The following RNF31 variants were observed in gnomAD, a reference collection of about 807,000 sequenced individuals.
RNF31 encodes the protein ring finger protein 31.
In RNF31, 38 loss-of-function variants were observed where a neutral mutation model predicts 133.6. The ratio of observed to expected loss-of-function variants is 0.28; its 90% CI spans 0.22 to 0.37. The LOEUF is 0.37. Among genes scored for constraint, RNF31 ranks in the 10% least tolerant of loss-of-function variants. The pLI is 1.00. For synonymous variants in RNF31, 582 were observed against 552.3 expected, an observed-to-expected ratio of 1.05 and a Z score of -0.75; for missense variants, 1,118 against 1,394.1, an observed-to-expected ratio of 0.80 and a Z score of 3.15.
At chr14:24,146,962 G>T (rs963726992), upstream of RNF31, 2 of 292,576 alleles carry the variant, frequency 6.8e-6, no homozygotes, top group African/African-American at 4.4e-5. Context: ...GCTCCCCCAA[G>T]AAGGCTCGAC....
In RNF31 at chr14:24,150,468, C is replaced by G; in HGVS notation, c.1197+20C>G. 6.3e-7 allele frequency: 1 copy of G among 1,596,928 alleles called. No homozygotes were observed. The highest frequency in any genetic ancestry group is 1.7e-5 in the Admixed American group (1 of 59,258). Reference sequence around the variant, plus strand: ...CTTCAGGTAACTGGCCTTCCCAGCTCTTTATCGTGTGTTACCTCAGGCATT... The same window carrying G: ...CTTCAGGTAACTGGCCTTCCCAGCTGTTTATCGTGTGTTACCTCAGGCATT... On this transcript the variant is annotated intron_variant, in intron 7 of 20. Transcript: ENST00000324103.
Position 24,157,421 on chromosome 14 carries a change from CG to C in RNF31, c.2608+19del. 6.2e-7 allele frequency: 1 copy of C among 1,604,330 alleles called. No homozygotes were observed. Among genetic ancestry groups the C allele is most frequent in the East Asian group, 2.2e-5 (1 of 44,702 alleles). On this transcript the variant is annotated intron_variant, in intron 15 of 20. Transcript: ENST00000324103. ...ACGGCATTGGTAAGGCCTCCCTACT[CG>C]GCCTGTTTGCTCAGAAGCCTGTCAT... is the stretch of plus-strand genomic sequence containing the variant.
Position 24,155,363 on chromosome 14 carries a change from G to A in RNF31, c.2304+33G>A. The A allele has an allele frequency of 1.2e-6, 2 of 1,614,146 alleles. No individual in the cohort carries two copies. Among genetic ancestry groups the A allele is most frequent in the Admixed American group, 1.7e-5 (1 of 60,016 alleles). On this transcript the variant is annotated intron_variant, in intron 12 of 20. Coordinates refer to ENST00000324103, the MANE Select transcript of RNF31 (RefSeq NM_017999.5). The surrounding 1 kb of genome is among the most constrained non-coding windows in gnomAD (Gnocchi z 4.9). ...AGCCCCTCTAGGACTCAGGTACCCT[G>A]AGCTTTGAACAGGGACCCTCCCACC... is the stretch of plus-strand genomic sequence containing the variant.
At chr14:24,159,062 T>TG (rs1283345748) in intron 18 of RNF31, among the ~76,000 whole-genome samples, 2 of 130,560 alleles carry the variant, frequency 1.5e-5, no homozygotes, top group Admixed American at 7.9e-5. Context: ...AAAAAAAATG[T>TG]GGCTGGGCAC....
intron 15 of RNF31, 22 bp downstream of exon 15, chr14:24,157,426 T>C (rs780009469): frequency 6.2e-7 from 1 of 1,605,740 alleles, no homozygotes; most frequent in South Asian, 1.1e-5. Flanking sequence ...CTACTCGGCC[T>C]GTTTGCTCAG....
At chr14:24,152,605 G>C (rs551757630) in intron 11 of RNF31, among the ~76,000 whole-genome samples, 18 of 152,220 alleles carry the variant, frequency 1.2e-4, no homozygotes, top group Non-Finnish European at 1.9e-4. Context: ...TTTTAGTAGA[G>C]ACAGGGTTTC....
At position 24,151,848 on chromosome 14, in the gene RNF31, A is replaced by T; in HGVS notation, c.1986A>T (p.Ala662=). Residue 662 remains alanine, a synonymous_variant, in exon 11 of 21, where the codon GCA becomes GCT. Transcript: ENST00000324103. The surrounding 1 kb of genome is among the most constrained non-coding windows in gnomAD (Gnocchi z 5.3). ...CCAGCTGGGGCCGGGCAGAGCTGGC[A>T]CTGTCACTGCTGCAGGAGACACCCA... ...ALPSWGRAEL[A]LSLLQETPRN... 6.2e-7 allele frequency: 1 copy of T among 1,614,078 alleles called. No individual in the cohort carries two copies. Among genetic ancestry groups the T allele is most frequent in the Non-Finnish European group, 8.5e-7 (1 of 1,179,992 alleles).
rs2038374268 is a variant in RNF31, at chr14:24,158,122, C to T, written c.2842-20C>T. On this transcript the variant is annotated intron_variant, in intron 17 of 20. Coordinates refer to ENST00000324103, the MANE Select transcript of RNF31 (RefSeq NM_017999.5). ...TTGGCATCAAGGGGAATGTAACACC[C>T]ATCTGTCTCTCCTCCTCAGGACAAT... The T allele has an allele frequency of 1.3e-5, 21 of 1,613,870 alleles. No individual in the cohort carries two copies. Among genetic ancestry groups the T allele is most frequent in the Non-Finnish European group, 1.8e-5 (21 of 1,179,808 alleles).
At chr14:24,150,521 G>A (rs368087674) in intron 7 of RNF31, 73 bp downstream of exon 7, 20 of 1,575,516 alleles carry the variant, frequency 1.3e-5, no homozygotes, top group African/African-American at 1.2e-4. Context: ...TTTTCCTTCA[G>A]TTCCTCCCAA....
intron 2 of RNF31, 33 bp from the exon 3 acceptor site, chr14:24,148,225 T>A: frequency 1.2e-6 from 2 of 1,613,594 alleles, no homozygotes; most frequent in Non-Finnish European, 1.7e-6. Flanking sequence ...GCAGGAAACC[T>A]CCTGGGTGGT....
In RNF31 at chr14:24,151,720, G is replaced by A. The variant is rs1176263762; in HGVS notation, c.1923+50G>A. The A allele has an allele frequency of 6.2e-7, 1 of 1,602,530 alleles. No homozygotes were observed. The highest frequency in any genetic ancestry group is 1.1e-5 in the South Asian group (1 of 90,768). On this transcript the variant is annotated intron_variant, in intron 10 of 20. Coordinates refer to ENST00000324103, the MANE Select transcript of RNF31 (RefSeq NM_017999.5). This position sits in a 1 kb window ranked among gnomAD's most constrained non-coding sequence, Gnocchi z 5.3. ...AAGGGTCCACCTAGAGGAGCAAGAG[G>A]GAGCTGAGGGGAAGGGTCCCTGGAG...
In RNF31 at chr14:24,160,027, C is replaced by A; in HGVS notation, c.2996+67C>A. 2 of 1,486,840 alleles carry A rather than the reference C, an allele frequency of 1.3e-6. No homozygotes were observed. The highest frequency in any genetic ancestry group is 1.9e-6 in the Non-Finnish European group (2 of 1,077,176). The allele number at this position is 1,486,840 out of a possible 1,614,324, so 92.1% of individuals were successfully genotyped here. ...TAGAAGTGGTGAGGGCATGCCCAGG[C>A]AGTAAAATGGGTCCTTGGGAGCAGT... On this transcript the variant is annotated intron_variant, in intron 19 of 20. Coordinates refer to ENST00000324103, the MANE Select transcript of RNF31 (RefSeq NM_017999.5). The surrounding 1 kb of genome is among the most constrained non-coding windows in gnomAD (Gnocchi z 4.0).
At position 24,155,637 on chromosome 14, in the gene RNF31, T is replaced by C. The variant is rs760433228; in HGVS notation, c.2438T>C (p.Leu813Pro). Residue 813 changes from leucine to proline, a missense_variant, in exon 14 of 21, where the codon CTG (leucine) becomes CCG (proline). Leu to Pro is a moderately conservative substitution (Grantham distance 98, BLOSUM62 -3). Coordinates refer to ENST00000324103, the MANE Select transcript of RNF31 (RefSeq NM_017999.5). The surrounding 1 kb of genome is among the most constrained non-coding windows in gnomAD (Gnocchi z 4.9). ...GGCTTCATATATGAGCGTGAGCAGC[T>C]GGAGGCAACTTGTCCCCAGTGTCAC... ...SFGFIYEREQ[L>P]EATCPQCHQT... is the part of the protein sequence containing the mutation. The C allele has an allele frequency of 8.1e-6, 13 of 1,614,116 alleles. No homozygotes were observed. Among genetic ancestry groups the C allele is most frequent in the African/African-American group, 1.3e-5 (1 of 74,948 alleles).
At position 24,148,650 on chromosome 14, in the gene RNF31, T is replaced by A; in HGVS notation, c.504T>A (p.His168Gln). Residue 168 changes from histidine to glutamine, a missense_variant, in exon 4 of 21, where the codon CAT becomes CAA. By Grantham distance (24) the His-to-Gln change is conservative. Around this residue, in one of 3 missense-constraint regions of RNF31, gnomAD observed 747 missense variants for 827.9 expected, o/e 0.90. Transcript: ENST00000324103. ...TATCTGTATTATTGCAGAATACTCA[T>A]CCAAGACAGCAGGCACTGGAGCAGC... ...TELSLLLQNT[H>Q]PRQQALEQLL... 1 of 1,614,208 alleles carries A rather than the reference T, an allele frequency of 6.2e-7. No homozygotes were observed. The highest frequency in any genetic ancestry group is 2.2e-5 in the East Asian group (1 of 44,886).
chr14:24,157,180 C>T (rs1566616502), intron 14 of RNF31, 110 bp from the exon 15 acceptor site: 1 of 697,376 alleles, frequency 1.4e-6, no homozygotes, highest in Non-Finnish European at 2.4e-6. Context: ...TGGTAGGTGG[C>T]AGTGACATAA....
upstream of RNF31, chr14:24,146,931 A>G (rs1594371803): frequency 2.7e-6 from 1 of 371,182 alleles, no homozygotes; most frequent in East Asian, 6.1e-5. Context: ...GAGTATGGCA[A>G]AGGGGGTATT....
Position 24,155,410 on chromosome 14 carries a change from C to G in RNF31, c.2305-4C>G. On this transcript the variant is annotated splice_region_variant and splice_polypyrimidine_tract_variant and intron_variant, in intron 12 of 20. Transcript: ENST00000324103. The surrounding 1 kb of genome is among the most constrained non-coding windows in gnomAD (Gnocchi z 4.9). ...CACCCACCACCTCTGCATCCTGTCC[C>G]CAGCTTCGCGAGAGCCTAGAGCCAG... The G allele has an allele frequency of 6.2e-7, 1 of 1,614,206 alleles. No homozygotes were observed. The highest frequency in any genetic ancestry group is 8.5e-7 in the Non-Finnish European group (1 of 1,180,038).
In RNF31 at chr14:24,148,695, AGAT is replaced by A; in HGVS notation, c.554_555+1del. The A allele has an allele frequency of 6.2e-7, 1 of 1,614,224 alleles. No homozygotes were observed. The highest frequency in any genetic ancestry group is 1.1e-5 in the South Asian group (1 of 91,084). On this transcript the variant is annotated inframe_deletion, in exon 4 of 21. Transcript: ENST00000324103. ...AGCAGCTGTTGGAAGACAAGGTTGA[AGAT>A]GATGTAAGGAAGGCAGGAAAGGGGC...
chr14:24,152,391 T>C (rs2038279846), intron 11 of RNF31, among the ~76,000 whole-genome samples: 1 of 150,930 alleles, frequency 6.6e-6, no homozygotes, highest in African/African-American at 2.5e-5. Flanking sequence ...TTTCCGTATA[T>C]ATCTCTAAAA....
Sources: gnomAD v4.1 joint callset for allele counts (sites outside exome capture counted in the v4.1 genomes callset) on GRCh38, gnomAD v4.1.1 for gene constraint, gnomAD v4.1.1 regional missense constraint, Gnocchi (gnomAD v3.1) non-coding constraint, MANE v1.5 for transcripts, NCBI Gene and HGNC (gene_info 2026-07-23, HGNC 2026-07-21) for gene names.